VIT: variants seen among roughly 807,000 people sequenced by gnomAD.
The protein encoded by VIT is vitrin.
A neutral mutation model predicts 78.0 loss-of-function variants in VIT; 99 were observed. That is an observed-to-expected ratio of 1.27 (90% CI 1.08 to 1.50). The LOEUF is 1.50. Among genes scored for constraint, VIT ranks in the 40% most tolerant of loss-of-function variants. VIT has a pLI of 0.00. For synonymous variants in VIT, 374 were observed against 334.3 expected, an observed-to-expected ratio of 1.12 and a Z score of -1.29; for missense variants, 1,126 against 875.3, an observed-to-expected ratio of 1.29 and a Z score of -3.61.
chr2:36,713,190 G>C (rs901934032), intron 1 of VIT, among the ~76,000 whole-genome samples: 1 of 152,200 alleles, frequency 6.6e-6, no homozygotes, highest in Admixed American at 6.5e-5. Flanking sequence ...GATAACTAGG[G>C]AATGTCTCAT....
At chr2:36,735,561 G>A (rs1009734000) in intron 3 of VIT, among the ~76,000 whole-genome samples, 3 of 152,214 alleles carry the variant, frequency 2.0e-5, no homozygotes, top group African/African-American at 7.2e-5. Flanking sequence ...TCTCTAGAAG[G>A]TGGGTAACCC....
At chr2:36,751,733 T>C (rs1356278631) in intron 4 of VIT, among the ~76,000 whole-genome samples, 2 of 152,156 alleles carry the variant, frequency 1.3e-5, no homozygotes, top group Admixed American at 6.5e-5. Context: ...TTGATTCGCT[T>C]GTTTTGCAAA....
At chr2:36,717,515 C>T (rs1666242480) in intron 2 of VIT, among the ~76,000 whole-genome samples, 1 of 152,058 alleles carries the variant, frequency 6.6e-6, no homozygotes. Context: ...GGATTACAGG[C>T]ATGAGCCACC....
chr2:36,784,778 C>T (rs944179944), intron 11 of VIT, among the ~76,000 whole-genome samples: 2 of 152,178 alleles, frequency 1.3e-5, no homozygotes, highest in Non-Finnish European at 2.9e-5. Context: ...ATTGTATAAC[C>T]CAATTCTACC....
chr2:36,716,881 T>C (rs1324874705), intron 2 of VIT, among the ~76,000 whole-genome samples: 6 of 143,160 alleles, frequency 4.2e-5, no homozygotes, highest in Non-Finnish European at 9.1e-5. Context: ...TTTTTTTTTT[T>C]TTTTTTTTTT....
rs181180410 is a variant in VIT, at chr2:36,810,833, C to T, written c.1903+1848C>T. Among the ~76,000 whole-genome samples, 70 of 152,188 alleles carry T rather than the reference C, an allele frequency of 4.6e-4. 1 individual carries two copies. The highest frequency in any genetic ancestry group is 1.5e-3 in the African/African-American group (62 of 41,530). On this transcript the variant is annotated intron_variant, in intron 15 of 15. Coordinates refer to ENST00000379242, the MANE Select transcript of VIT (RefSeq NM_053276.4). ...ATTTTTGGTAGAGACAGGGTTTCAC[C>T]GCATTGGCCAGGCTTTTCTTGAACT...
rs1235889363 is a variant in VIT, at chr2:36,717,366, G to GTC, written c.52+945_52+946insCT. ...TGTGTGTGTGTGTGTGTGTGTGTGT[G>GTC]TGTGTGTGTGTGTGTGTGTGTGTGT... On this transcript the variant is annotated intron_variant, in intron 2 of 15. Coordinates refer to ENST00000379242, the MANE Select transcript of VIT (RefSeq NM_053276.4). Among the ~76,000 whole-genome samples the GTC allele has an allele frequency of 1.2e-3, 161 of 138,152 alleles. 2 individuals are homozygous for GTC. Among genetic ancestry groups the GTC allele is most frequent in the African/African-American group, 4.1e-3 (155 of 37,708 alleles). 90.6% of individuals were successfully genotyped at this position (138,152 alleles called of 152,430 possible).
intron 5 of VIT, among the ~76,000 whole-genome samples, chr2:36,756,105 G>A (rs1668749432): frequency 1.3e-5 from 2 of 151,998 alleles, no homozygotes; most frequent in African/African-American, 4.8e-5. Context: ...TTACAGGCAT[G>A]TGCCACCATG....
At chr2:36,742,653 C>T (rs886406755) in intron 3 of VIT, among the ~76,000 whole-genome samples, 7 of 152,218 alleles carry the variant, frequency 4.6e-5, no homozygotes, top group Non-Finnish European at 1.0e-4. Flanking sequence ...ACAAGCCAAC[C>T]TTGTCCAGGT....
chr2:36,718,805 T>A (rs1182674124), intron 2 of VIT, among the ~76,000 whole-genome samples: 1 of 152,156 alleles, frequency 6.6e-6, no homozygotes, highest in South Asian at 2.1e-4. Flanking sequence ...ACAATTGCTG[T>A]ATATGCCTGG....
chr2:36,731,388 C>T (rs1009121698), intron 3 of VIT, among the ~76,000 whole-genome samples: 4 of 152,068 alleles, frequency 2.6e-5, no homozygotes, highest in African/African-American at 9.7e-5. Flanking sequence ...ATTCTTCTGC[C>T]TCAGCCTCCC....
At chr2:36,776,000 T>C (rs1459616575) in intron 9 of VIT, among the ~76,000 whole-genome samples, 1 of 152,180 alleles carries the variant, frequency 6.6e-6, no homozygotes, top group East Asian at 1.9e-4. Flanking sequence ...TATAAAATCG[T>C]CAGATTATGG....
chr2:36,806,844 T>A (rs1338534626), intron 14 of VIT, among the ~76,000 whole-genome samples: 5 of 152,240 alleles, frequency 3.3e-5, no homozygotes, highest in Non-Finnish European at 7.3e-5. Flanking sequence ...ATTACAGGCG[T>A]GGGCCACTGC....
chr2:36,781,803 G>A (rs551556060), intron 10 of VIT, 32 bp downstream of exon 10: 24 of 1,613,624 alleles, frequency 1.5e-5, no homozygotes, highest in South Asian at 1.1e-4. Context: ...TCAGCCACGC[G>A]TGGATCAAGA....
intron 3 of VIT, among the ~76,000 whole-genome samples, chr2:36,734,322 A>G (rs1282820543): frequency 6.6e-6 from 1 of 152,176 alleles, no homozygotes; most frequent in Non-Finnish European, 1.5e-5. Context: ...CAAGACTCAC[A>G]ATCTTCACAA....
intron 2 of VIT, among the ~76,000 whole-genome samples, chr2:36,726,055 C>G (rs1666824596): frequency 6.9e-6 from 1 of 144,460 alleles, no homozygotes; most frequent in Non-Finnish European, 1.5e-5. Flanking sequence ...GGTGACAGAG[C>G]GAGACTCTGT....
At chr2:36,759,558 A>T (rs1668981080) in intron 6 of VIT, 1 of 1,059,338 alleles carries the variant, frequency 9.4e-7, no homozygotes, top group South Asian at 3.3e-5. Flanking sequence ...GGTAGACCTC[A>T]GGCCAAGAAA....
intron 11 of VIT, among the ~76,000 whole-genome samples, chr2:36,783,821 G>A (rs12621348): frequency 2.6e-5 from 4 of 152,192 alleles, no homozygotes; most frequent in Admixed American, 6.5e-5. Flanking sequence ...GTGGAGGTTC[G>A]AGAGAGGGAG....
chr2:36,767,047 T>C, intron 6 of VIT, 47 bp from the exon 7 acceptor site: 1 of 1,501,786 alleles, frequency 6.7e-7, no homozygotes, highest in Non-Finnish European at 8.9e-7. Flanking sequence ...TCTATAAGAG[T>C]GTACAGGTTA....
Sources: allele counts gnomAD v4.1 joint callset (sites outside exome capture counted in the v4.1 genomes callset), GRCh38; gene constraint gnomAD v4.1.1; transcripts MANE v1.5; gene names NCBI Gene and HGNC (gene_info 2026-07-23, HGNC 2026-07-21).